Variants in VCL observed in about 807,000 individuals in gnomAD.
VCL encodes the protein epididymis luminal protein 114.
In VCL, 47 loss-of-function variants were observed where a neutral mutation model predicts 125.7. The ratio of observed to expected loss-of-function variants is 0.37; its 90% confidence interval spans 0.30 to 0.48. The LOEUF (loss-of-function observed/expected upper bound fraction) is 0.48. VCL is among the 20% of genes least tolerant of loss of function. VCL has a pLI of 0.99. For synonymous variants in VCL, 458 were observed against 514.6 expected, an observed-to-expected ratio of 0.89 and a Z score of 1.49; for missense variants, 1,069 against 1,455.5, an observed-to-expected ratio of 0.73 and a Z score of 4.32.
At chr10:74,050,713 A>G (rs1001812532) in intron 2 of VCL, among the ~76,000 whole-genome samples, 1 of 151,948 alleles carries the variant, frequency 6.6e-6, no homozygotes, top group Non-Finnish European at 1.5e-5. Flanking sequence ...CCTGGGGCTA[A>G]TGTGTGATTT....
At chr10:74,000,496 C>T (rs774450342) in intron 1 of VCL, among the ~76,000 whole-genome samples, 3 of 152,126 alleles carry the variant, frequency 2.0e-5, no homozygotes, top group African/African-American at 4.8e-5. Context: ...CCCACTGCAA[C>T]GTCCTCCTCC....
At position 74,062,992 on chromosome 10, in the gene VCL, C is replaced by A. The variant is rs183992503; in HGVS notation, c.240-7678C>A. Among the ~76,000 whole-genome samples, 497 of 152,220 alleles carry A rather than the reference C, an allele frequency of 3.3e-3. 2 individuals carry two copies. Among genetic ancestry groups the A allele is most frequent in the African/African-American group, 0.011 (476 of 41,528 alleles). ...GGCTGAGGCACAAGAATCCTTTGAA[C>A]CCAAGAGGTGGAGGTTGCTTTGAGC... On this transcript the variant is annotated intron_variant, in intron 2 of 21. Coordinates refer to ENST00000211998, the MANE Select transcript of VCL (RefSeq NM_014000.3).
chr10:74,116,275 C>T (rs1840309011), intron 21 of VCL, among the ~76,000 whole-genome samples: 1 of 152,170 alleles, frequency 6.6e-6, no homozygotes. Flanking sequence ...TCCAACAACT[C>T]TCACCCTAAT....
chr10:74,055,678 A>C (rs182937106), intron 2 of VCL, among the ~76,000 whole-genome samples: 1 of 152,238 alleles, frequency 6.6e-6, no homozygotes, highest in East Asian at 1.9e-4. Flanking sequence ...TAATTTAAAA[A>C]TTTTATTCAT....
intron 11 of VCL, 73 bp downstream of exon 11, chr10:74,094,534 C>CT: frequency 6.6e-7 from 1 of 1,511,984 alleles, no homozygotes; most frequent in Admixed American, 1.9e-5. Context: ...GATAGGGGTC[C>CT]TGTAACATCT....
intron 2 of VCL, among the ~76,000 whole-genome samples, chr10:74,049,291 G>C (rs1288007142): frequency 6.6e-6 from 1 of 152,004 alleles, no homozygotes. Flanking sequence ...AGCTATTGTG[G>C]CTGGGAATTA....
At chr10:74,021,658 A>G (rs1840669214) in intron 1 of VCL, among the ~76,000 whole-genome samples, 1 of 152,192 alleles carries the variant, frequency 6.6e-6, no homozygotes, top group Admixed American at 6.5e-5. Context: ...GGAAGCTCCA[A>G]CTTGGGCTGT....
chr10:74,057,648 C>A (rs1841410935), intron 2 of VCL, among the ~76,000 whole-genome samples: 1 of 152,102 alleles, frequency 6.6e-6, no homozygotes, highest in Non-Finnish European at 1.5e-5. Flanking sequence ...AGATGTTGTT[C>A]ATGGCCAGGT....
intron 19 of VCL, 135 bp from the exon 20 acceptor site, chr10:74,114,049 C>T: frequency 2.0e-6 from 2 of 980,810 alleles, no homozygotes; most frequent in Non-Finnish European, 3.1e-6. Context: ...CAAGAACGGC[C>T]CTTTTCTCCT....
chr10:74,017,086 C>T (rs1454104524), intron 1 of VCL, among the ~76,000 whole-genome samples: 2 of 124,708 alleles, frequency 1.6e-5, no homozygotes, highest in Non-Finnish European at 3.1e-5. Flanking sequence ...CTCGCTCTGT[C>T]GCCCAGGCTG....
intron 4 of VCL, among the ~76,000 whole-genome samples, chr10:74,072,383 A>G (rs752486585): frequency 6.6e-6 from 1 of 152,204 alleles, no homozygotes; most frequent in Admixed American, 6.5e-5. Flanking sequence ...GTTCAGAGAC[A>G]TGGCATGAAA....
intron 1 of VCL, among the ~76,000 whole-genome samples, chr10:74,016,591 A>G (rs892564729): frequency 2.0e-5 from 3 of 152,196 alleles, no homozygotes; most frequent in Non-Finnish European, 4.4e-5. Flanking sequence ...TGTCTCAAAA[A>G]GAAAAAAAAA....
rs1161357428 is a variant in VCL, at chr10:74,008,291, G to T, written c.168+9916G>T. On this transcript the variant is annotated intron_variant, in intron 1 of 21. Transcript: ENST00000211998. ...AAACAAGTGAAATATATACTAAGAGGAATGAATGGCTAACTGCCCATTGTT... is the reference window on the plus strand; with the variant it reads ...AAACAAGTGAAATATATACTAAGAGTAATGAATGGCTAACTGCCCATTGTT... 2.0e-5 allele frequency among the ~76,000 whole-genome samples: 3 copies of T among 152,268 alleles called. No individual in the cohort carries two copies. The East Asian group carries it at 5.8e-4, about 29-fold the overall frequency.
intron 2 of VCL, among the ~76,000 whole-genome samples, chr10:74,055,351 A>G (rs982680237): frequency 6.6e-6 from 1 of 152,024 alleles, no homozygotes; most frequent in Non-Finnish European, 1.5e-5. Flanking sequence ...ATTTTATTTT[A>G]TATAATTTTT....
At chr10:74,058,148 A>G (rs1294373688) in intron 2 of VCL, among the ~76,000 whole-genome samples, 1 of 152,186 alleles carries the variant, frequency 6.6e-6, no homozygotes, top group Non-Finnish European at 1.5e-5. Flanking sequence ...TGCCTGCCAC[A>G]TAATTATACT....
At chr10:74,043,500 C>G (rs111450076) in intron 2 of VCL, among the ~76,000 whole-genome samples, 5,300 of 152,102 alleles carry the variant, frequency 0.035, 159 homozygotes, top group African/African-American at 0.082. Flanking sequence ...GCGCGTGCCA[C>G]CATCCCTGGC....
chr10:74,029,749 T>C (rs1472975380), intron 1 of VCL, among the ~76,000 whole-genome samples: 1 of 152,242 alleles, frequency 6.6e-6, no homozygotes, highest in Non-Finnish European at 1.5e-5. Context: ...TTTTGACCTT[T>C]AGGCCCTAGA....
chr10:74,050,103 A>G (rs979832935), intron 2 of VCL, among the ~76,000 whole-genome samples: 1 of 152,216 alleles, frequency 6.6e-6, no homozygotes, highest in Non-Finnish European at 1.5e-5. Flanking sequence ...GTCTTGTGAT[A>G]TGAACTTGAA....
intron 1 of VCL, among the ~76,000 whole-genome samples, chr10:74,030,657 C>T (rs758048336): frequency 9.2e-5 from 14 of 152,116 alleles, no homozygotes; most frequent in African/African-American, 2.7e-4. Flanking sequence ...GGTACAAATG[C>T]GCTGTTTGGG....
Sources: allele counts gnomAD v4.1 joint callset (sites outside exome capture counted in the v4.1 genomes callset), GRCh38; gene constraint gnomAD v4.1.1; transcripts MANE v1.5; gene names NCBI Gene and HGNC (gene_info 2026-07-23, HGNC 2026-07-21).